Variants in DLG1 observed in about 807,000 individuals in gnomAD.
DLG1 encodes the protein discs large MAGUK scaffold protein 1, also known as disks large homolog 1.
A neutral mutation model predicts 123.4 loss-of-function variants in DLG1; 42 were observed. The ratio of observed to expected loss-of-function variants is 0.34; its 90% CI spans 0.27 to 0.44. The LOEUF (loss-of-function observed/expected upper bound fraction) is 0.44, where lower values mean the gene tolerates loss of function less well. DLG1 is among the 20% of genes least tolerant of loss of function. The pLI, the probability that DLG1 is intolerant of heterozygous loss-of-function variation, is 1.00. For synonymous variants in DLG1, 317 were observed against 356.2 expected (o/e 0.89, Z 1.24); for missense variants, 942 against 1,082.6 (o/e 0.87, Z 1.82).
At position 197,194,508 on chromosome 3, in the gene DLG1, A is replaced by T; in HGVS notation, c.400T>A (p.Leu134Met). Reference sequence around the variant, plus strand: ...AAGTTCTTCTCTGAGACATGAACCAATTCTGGACCTATCACTTCATTTGTG... The same window carrying T: ...AAGTTCTTCTCTGAGACATGAACCATTTCTGGACCTATCACTTCATTTGTG... ...QITNEVIGPE[L>M]VHVSEKNLSE... Residue 134 changes from leucine (L) to methionine (M), a missense_variant, in exon 5 of 25, where the codon TTG (leucine) becomes ATG (methionine). By Grantham distance (15) the Leu-to-Met change is conservative (BLOSUM62 2). Transcript: ENST00000667157. The T allele has an allele frequency of 6.2e-7, 1 of 1,607,464 alleles. No individual in the cohort carries two copies. The highest frequency in any genetic ancestry group is 2.2e-5 in the East Asian group (1 of 44,468).
At chr3:197,155,310 G>T (rs1191569336) in intron 5 of DLG1, among the ~76,000 whole-genome samples, 1 of 152,112 alleles carries the variant, frequency 6.6e-6, no homozygotes, top group East Asian at 1.9e-4. Flanking sequence ...ACCCAAACCT[G>T]TCAACTAAGA....
chr3:197,058,272 G>A (rs1189356357), intron 23 of DLG1, among the ~76,000 whole-genome samples: 1 of 152,148 alleles, frequency 6.6e-6, no homozygotes, highest in African/African-American at 2.4e-5. Flanking sequence ...CGGCCGTTGT[G>A]CCCCGCCTTC....
intron 14 of DLG1, among the ~76,000 whole-genome samples, chr3:197,095,298 C>T (rs1401682284): frequency 2.6e-5 from 4 of 152,068 alleles, no homozygotes; most frequent in Admixed American, 6.6e-5. Flanking sequence ...ATCTAATGCT[C>T]GGATCCCTAT....
intron 11 of DLG1, among the ~76,000 whole-genome samples, chr3:197,129,335 C>T (rs1781345998): frequency 6.6e-6 from 1 of 152,192 alleles, no homozygotes; most frequent in Non-Finnish European, 1.5e-5. Context: ...ACCTCATGAA[C>T]CAACCCCTGC....
At chr3:197,055,774 T>G (rs555850864) in intron 23 of DLG1, among the ~76,000 whole-genome samples, 1 of 152,308 alleles carries the variant, frequency 6.6e-6, no homozygotes, top group African/African-American at 2.4e-5. Context: ...TTCTCCTCAC[T>G]AATCACCACT....
intron 5 of DLG1, among the ~76,000 whole-genome samples, chr3:197,165,157 T>C (rs1261517730): frequency 6.6e-6 from 1 of 152,174 alleles, no homozygotes; most frequent in Non-Finnish European, 1.5e-5. Flanking sequence ...AATTATACTT[T>C]TCCAGTTGTT....
chr3:197,073,286 T>C (rs1412204162), intron 18 of DLG1, among the ~76,000 whole-genome samples: 2 of 152,220 alleles, frequency 1.3e-5, no homozygotes, highest in Non-Finnish European at 2.9e-5. Context: ...TGAGGAAATT[T>C]TTGAGGTGTT....
intron 4 of DLG1, among the ~76,000 whole-genome samples, chr3:197,196,158 T>C (rs1280728891): frequency 7.4e-6 from 1 of 134,264 alleles, no homozygotes; most frequent in Non-Finnish European, 1.6e-5. Context: ...AATGTACGTT[T>C]GTAAATGCAC....
intron 4 of DLG1, among the ~76,000 whole-genome samples, chr3:197,223,158 C>T (rs1738027281): frequency 6.6e-6 from 1 of 152,180 alleles, no homozygotes. Flanking sequence ...ACTTGAATGT[C>T]CTCTGCATTC....
chr3:197,280,337 T>TG (rs1768639849), intron 4 of DLG1, among the ~76,000 whole-genome samples: 2 of 149,916 alleles, frequency 1.3e-5, no homozygotes, highest in Non-Finnish European at 3.0e-5. Context: ...GTAGTCCATT[T>TG]TGTGTGTGTG....
intron 4 of DLG1, among the ~76,000 whole-genome samples, chr3:197,271,610 T>C (rs1763935507): frequency 6.6e-6 from 1 of 152,200 alleles, no homozygotes; most frequent in Non-Finnish European, 1.5e-5. Context: ...ATAAATGGTA[T>C]GTATTTGATT....
chr3:197,068,400 A>C, intron 19 of DLG1: 3 of 781,892 alleles, frequency 3.8e-6, no homozygotes, highest in Non-Finnish European at 6.1e-6. Flanking sequence ...AAAATCATTA[A>C]GTAACTATTG....
At position 197,065,808 on chromosome 3, in the gene DLG1, A is replaced by G. The variant is rs1447878511; in HGVS notation, c.2100T>C (p.Val700=). 6.5e-7 allele frequency: 1 copy of G among 1,533,988 alleles called. No individual in the cohort carries two copies. Among genetic ancestry groups the G allele is most frequent in the Non-Finnish European group, 9.0e-7 (1 of 1,113,108 alleles). ...ATATGATCACTGGTCGAGTATAATT[A>G]ACTATAAAGATAAACTGCATGTTAA... The part of the protein sequence containing the change: ...LSYEPVNQQE[V]NYTRPVIILG... Residue 700 remains valine, a splice_region_variant and synonymous_variant, in exon 21 of 25, where the codon GTT becomes GTC. Coordinates refer to ENST00000667157, the MANE Select transcript of DLG1 (RefSeq NM_001366207.1).
chr3:197,184,010 G>C (rs1184525319), intron 5 of DLG1: 1 of 1,354,358 alleles, frequency 7.4e-7, no homozygotes, highest in Non-Finnish European at 9.5e-7. Flanking sequence ...GTACCTGTTA[G>C]CTGTATGATG....
intron 5 of DLG1, among the ~76,000 whole-genome samples, chr3:197,178,993 C>T (rs890812400): frequency 1.3e-5 from 2 of 152,064 alleles, no homozygotes; most frequent in African/African-American, 2.4e-5. Context: ...TCTTGAACAA[C>T]CAAAGGGACT....
intron 4 of DLG1, among the ~76,000 whole-genome samples, chr3:197,219,461 T>C (rs1735796190): frequency 6.6e-6 from 1 of 152,194 alleles, no homozygotes; most frequent in Non-Finnish European, 1.5e-5. Flanking sequence ...ATGTGATATA[T>C]CATCAAAGCC....
chr3:197,245,857 T>A (rs892885539), intron 4 of DLG1, among the ~76,000 whole-genome samples: 1 of 144,448 alleles, frequency 6.9e-6, no homozygotes, highest in African/African-American at 2.5e-5. Flanking sequence ...TTAAAAGAGA[T>A]TTTTTTTGAT....
intron 4 of DLG1, among the ~76,000 whole-genome samples, chr3:197,226,699 A>C (rs1260923082): frequency 6.6e-6 from 1 of 152,216 alleles, no homozygotes; most frequent in African/African-American, 2.4e-5. Context: ...TAATACATCA[A>C]AATCACTTAA....
At chr3:197,044,806 G>T in intron 24 of DLG1, 77 bp from the exon 25 acceptor site, 1 of 867,718 alleles carries the variant, frequency 1.2e-6, no homozygotes, top group Non-Finnish European at 1.7e-6. Flanking sequence ...TGAAATAGTA[G>T]AAGCTAGTAT....
Sources: allele counts gnomAD v4.1 joint callset (sites outside exome capture counted in the v4.1 genomes callset), GRCh38; gene constraint gnomAD v4.1.1; transcripts MANE v1.5; gene names NCBI Gene and HGNC (gene_info 2026-07-23, HGNC 2026-07-21).